GRIN2A: variants seen among roughly 807,000 people sequenced by gnomAD.
GRIN2A encodes the protein glutamate ionotropic receptor NMDA type subunit 2A, also known as glutamate receptor ionotropic, NMDA 2A.
Under a neutral mutation model 113.4 loss-of-function variants are expected in GRIN2A, and 22 were observed. That is an observed-to-expected ratio of 0.19 (90% CI 0.14 to 0.28). GRIN2A has a LOEUF of 0.28. Ranked by LOEUF, GRIN2A falls within the 10% of genes least tolerant of loss-of-function variation. GRIN2A has a pLI of 1.00. For missense variants in GRIN2A, 1,502 were observed against 1,887.0 expected, an observed-to-expected ratio of 0.80 and a Z score of 3.78; for synonymous variants, 827 against 738.4, an observed-to-expected ratio of 1.12 and a Z score of -1.94.
At chr16:9,894,463 CT>C (rs2043762900) in intron 3 of GRIN2A, among the ~76,000 whole-genome samples, 2 of 151,908 alleles carry the variant, frequency 1.3e-5, no homozygotes, top group Admixed American at 1.3e-4. Flanking sequence ...ACTTTTTTTT[CT>C]CTCTTCCTTC....
chr16:9,766,966 G>A (rs1900955232), intron 12 of GRIN2A, among the ~76,000 whole-genome samples: 1 of 152,126 alleles, frequency 6.6e-6, no homozygotes. Context: ...AAATCAACTT[G>A]GCTTCCTTAG....
chr16:10,053,518 T>G (rs1240285377), intron 2 of GRIN2A, among the ~76,000 whole-genome samples: 1 of 152,220 alleles, frequency 6.6e-6, no homozygotes, highest in African/African-American at 2.4e-5. Context: ...TCTTAAGGAC[T>G]GTGAGTGACG....
chr16:9,919,336 TG>T (rs2044315309), intron 3 of GRIN2A, among the ~76,000 whole-genome samples: 1 of 152,080 alleles, frequency 6.6e-6, no homozygotes, highest in Non-Finnish European at 1.5e-5. Context: ...GGTGGAAAAA[TG>T]GCAGCAGAAA....
intron 2 of GRIN2A, chr16:10,179,439 A>G (rs11640125): frequency 0.31 from 49,591 of 161,866 alleles, 8,104 homozygotes; most frequent in African/African-American, 0.38. Flanking sequence ...TGTTCCTCTA[A>G]CTGCAGAGTC....
intron 2 of GRIN2A, among the ~76,000 whole-genome samples, chr16:9,995,129 A>G (rs918456198): frequency 6.6e-6 from 1 of 152,186 alleles, no homozygotes; most frequent in African/African-American, 2.4e-5. Flanking sequence ...GGTTAAGAGT[A>G]TCTGCAAGAG....
intron 2 of GRIN2A, among the ~76,000 whole-genome samples, chr16:9,984,687 C>G (rs893133124): frequency 6.6e-6 from 1 of 152,194 alleles, no homozygotes; most frequent in Admixed American, 6.5e-5. Flanking sequence ...AGAGGCATCA[C>G]GAGTAACTTG....
chr16:9,785,321 C>T (rs1464403095), intron 11 of GRIN2A, among the ~76,000 whole-genome samples: 4 of 151,804 alleles, frequency 2.6e-5, no homozygotes, highest in Non-Finnish European at 5.9e-5. Context: ...CCATCATTCT[C>T]AGCAAACTAT....
At chr16:10,092,092 C>T (rs1233142511) in intron 2 of GRIN2A, among the ~76,000 whole-genome samples, 1 of 152,136 alleles carries the variant, frequency 6.6e-6, no homozygotes, top group Non-Finnish European at 1.5e-5. Context: ...ATCTGCATGC[C>T]TTGATATACC....
intron 2 of GRIN2A, among the ~76,000 whole-genome samples, chr16:10,000,543 T>C (rs896511489): frequency 6.6e-6 from 1 of 151,982 alleles, no homozygotes; most frequent in Non-Finnish European, 1.5e-5. Context: ...TAAAGCACTA[T>C]TAATAGTCTA....
intron 11 of GRIN2A, among the ~76,000 whole-genome samples, chr16:9,783,062 C>T (rs1379033673): frequency 6.6e-6 from 1 of 152,120 alleles, no homozygotes; most frequent in Non-Finnish European, 1.5e-5. Flanking sequence ...GAGTAAGTGA[C>T]TTAGTTGTTG....
In GRIN2A at chr16:9,763,171, G is replaced by C. The variant is rs933017490; in HGVS notation, c.4373C>G (p.Pro1458Arg). ...CSNRRVYKKM[P>R]SIESDV ...TTTTTAAACATCAGATTCGATACTA[G>C]GCATTTTCTTGTACACGCGTCTATT... Residue 1458 changes from proline (P) to arginine (R), a missense_variant, in exon 13 of 13, where the codon CCT becomes CGT. Coordinates refer to ENST00000330684, the MANE Select transcript of GRIN2A (RefSeq NM_001134407.3). 1 of 1,613,820 alleles carries C rather than the reference G, an allele frequency of 6.2e-7. No homozygotes were observed. Among genetic ancestry groups the C allele is most frequent in the South Asian group, 1.1e-5 (1 of 91,084 alleles).
At chr16:10,171,746 C>A in intron 2 of GRIN2A, among the ~76,000 whole-genome samples, 1 of 152,188 alleles carries the variant, frequency 6.6e-6, no homozygotes, top group East Asian at 1.9e-4. Context: ...GACACAATAA[C>A]AATAGCATTC....
chr16:10,038,211 G>A (rs1035299745), intron 2 of GRIN2A, among the ~76,000 whole-genome samples: 1 of 152,056 alleles, frequency 6.6e-6, no homozygotes, highest in African/African-American at 2.4e-5. Context: ...ACAGTGGAAG[G>A]GTCTAGAGAT....
At chr16:9,920,557 G>A (rs1172088686) in intron 3 of GRIN2A, among the ~76,000 whole-genome samples, 5 of 146,112 alleles carry the variant, frequency 3.4e-5, no homozygotes, top group African/African-American at 1.0e-4. Flanking sequence ...CTGCATATAT[G>A]TGAATTGAAT....
chr16:9,898,749 A>T (rs2043856900), intron 3 of GRIN2A, among the ~76,000 whole-genome samples: 1 of 146,178 alleles, frequency 6.8e-6, no homozygotes, highest in Admixed American at 6.8e-5. Context: ...GTTTTCTTTA[A>T]CCTCTTTTCA....
chr16:9,822,155 T>C (rs924949389), intron 10 of GRIN2A, 109 bp downstream of exon 10: 2 of 1,160,066 alleles, frequency 1.7e-6, no homozygotes, highest in Admixed American at 1.7e-5. Context: ...CCACAGTCAC[T>C]CTCCAGAAAT....
At chr16:10,004,950 C>G (rs2046380715) in intron 2 of GRIN2A, among the ~76,000 whole-genome samples, 1 of 152,154 alleles carries the variant, frequency 6.6e-6, no homozygotes, top group Non-Finnish European at 1.5e-5. Context: ...AAAGGAAAGA[C>G]AATTTTAAGA....
chr16:9,966,448 C>A (rs1255242055), intron 2 of GRIN2A, among the ~76,000 whole-genome samples: 1 of 152,196 alleles, frequency 6.6e-6, no homozygotes, highest in African/African-American at 2.4e-5. Context: ...AGGACATGAT[C>A]TCATCCTTTT....
rs554206395 is a variant in GRIN2A at position 9,892,948 on chromosome 16, AAAG to A, written c.1008-1851_1008-1849del. On this transcript the variant is annotated intron_variant, in intron 3 of 12. Coordinates refer to ENST00000330684, the MANE Select transcript of GRIN2A (RefSeq NM_001134407.3). ...GCTAAAAAGTGAAAAAAAAAAAAAA[AAAG>A]AAGAAGAAGAAGAAGAGAACTAGGC... Among the ~76,000 whole-genome samples the A allele has an allele frequency of 2.1e-3, 312 of 146,444 alleles. 4 individuals carry two copies. The highest frequency in any genetic ancestry group is 3.9e-3 in the African/African-American group (152 of 38,572).
Sources: allele counts gnomAD v4.1 joint callset (sites outside exome capture counted in the v4.1 genomes callset), GRCh38; gene constraint gnomAD v4.1.1; transcripts MANE v1.5; gene names NCBI Gene and HGNC (gene_info 2026-07-23, HGNC 2026-07-21).